The following MCPH1 variants were observed in gnomAD, a reference collection of about 807,000 sequenced individuals.
The protein encoded by MCPH1 is microcephalin.
A neutral mutation model predicts 84.5 loss-of-function variants in MCPH1; 104 were observed. The ratio of observed to expected loss-of-function variants is 1.23; its 90% confidence interval spans 1.05 to 1.45. The LOEUF (loss-of-function observed/expected upper bound fraction) is 1.45. Among genes scored for constraint, MCPH1 ranks in the 40% most tolerant of loss-of-function variants. The probability of loss-of-function intolerance (pLI) is 0.00; values close to 1 mark genes in which losing one functional copy is unlikely to be tolerated. For missense variants in MCPH1, 1,498 were observed against 1,005.7 expected (o/e 1.49, Z -6.62); for synonymous variants, 514 against 366.8 (o/e 1.40, Z -4.58).
chr8:6,560,462 T>G (rs1262926567), intron 12 of MCPH1, among the ~76,000 whole-genome samples: 1 of 152,168 alleles, frequency 6.6e-6, no homozygotes, highest in African/African-American at 2.4e-5. Context: ...TTTAATCACT[T>G]TAAGTGGGTT....
intron 12 of MCPH1, among the ~76,000 whole-genome samples, chr8:6,556,822 C>T (rs1824698888): frequency 6.6e-6 from 1 of 152,062 alleles, no homozygotes; most frequent in Non-Finnish European, 1.5e-5. Context: ...CTCCTGGCCT[C>T]AAAGTGTCTT....
chr8:6,467,946 G>A (rs192282165), intron 9 of MCPH1, among the ~76,000 whole-genome samples: 5 of 152,270 alleles, frequency 3.3e-5, no homozygotes, highest in African/African-American at 1.2e-4. Flanking sequence ...GTACGTGTCT[G>A]TTTCTCAAAA....
intron 12 of MCPH1, among the ~76,000 whole-genome samples, chr8:6,515,129 T>A (rs7838691): frequency 0.076 from 11,582 of 152,142 alleles, 497 homozygotes; most frequent in African/African-American, 0.11. Flanking sequence ...TTTTGGCAGA[T>A]TGGCCCCGAA....
At chr8:6,414,690 A>T in intron 2 of MCPH1, 75 bp from the exon 3 acceptor site, 1 of 1,521,240 alleles carries the variant, frequency 6.6e-7, no homozygotes, top group Admixed American at 1.8e-5. Flanking sequence ...GCTGGGGTAG[A>T]GGTTTTTTGA....
intron 5 of MCPH1, 70 bp from the exon 6 acceptor site, chr8:6,438,883 A>T: frequency 6.9e-7 from 1 of 1,457,308 alleles, no homozygotes; most frequent in Non-Finnish European, 9.5e-7. Context: ...GTTGTTCTTT[A>T]AAAGGAATCA....
At chr8:6,457,884 T>C (rs1385886164) in intron 9 of MCPH1, among the ~76,000 whole-genome samples, 4 of 152,148 alleles carry the variant, frequency 2.6e-5, no homozygotes, top group African/African-American at 7.2e-5. Context: ...CCTAGGGTAG[T>C]GCTTCCTGAC....
intron 9 of MCPH1, among the ~76,000 whole-genome samples, chr8:6,472,573 T>G (rs896125772): frequency 2.6e-5 from 4 of 152,108 alleles, no homozygotes; most frequent in Non-Finnish European, 5.9e-5. Flanking sequence ...TTCAAGCCAT[T>G]CTCCTGCCCC....
In MCPH1 at chr8:6,407,789, C is replaced by G. The variant is rs1017809137; in HGVS notation, c.22+1100C>G. Among the ~76,000 whole-genome samples, 6 of 152,298 alleles carry G rather than the reference C, an allele frequency of 3.9e-5. No homozygotes were observed. The East Asian group carries it at 9.6e-4, about 24-fold the overall frequency. On this transcript the variant is annotated intron_variant, in intron 1 of 13. Transcript: ENST00000344683. The stretch of plus-strand genomic sequence containing the variant: ...AGAGGATATCCACTAGAACAGGGGT[C>G]CACTCACTATGCCCCCCAGGCCATA...
intron 12 of MCPH1, among the ~76,000 whole-genome samples, chr8:6,602,655 G>A (rs2129578364): frequency 6.6e-6 from 1 of 152,130 alleles, no homozygotes; most frequent in South Asian, 2.1e-4. Flanking sequence ...GTTGTTGGCT[G>A]GTTGGGTTTG....
intron 13 of MCPH1, among the ~76,000 whole-genome samples, chr8:6,640,405 G>C (rs951181629): frequency 6.6e-6 from 1 of 152,100 alleles, no homozygotes; most frequent in South Asian, 2.1e-4. Flanking sequence ...TGGGTGATCC[G>C]ATTAGTTAAA....
At chr8:6,424,852 G>C (rs970045712) in intron 3 of MCPH1, among the ~76,000 whole-genome samples, 1 of 152,182 alleles carries the variant, frequency 6.6e-6, no homozygotes, top group Non-Finnish European at 1.5e-5. Flanking sequence ...TGTGTGTCAG[G>C]GACACACGTG....
chr8:6,474,905 A>C (rs544990392), intron 9 of MCPH1, among the ~76,000 whole-genome samples: 1 of 152,330 alleles, frequency 6.6e-6, no homozygotes, highest in Admixed American at 6.5e-5. Flanking sequence ...TAAACCCCAA[A>C]TATTCAACTA....
intron 3 of MCPH1, among the ~76,000 whole-genome samples, chr8:6,430,673 C>T (rs977108559): frequency 2.0e-5 from 3 of 151,986 alleles, no homozygotes; most frequent in African/African-American, 4.8e-5. Context: ...CGGTGATAGG[C>T]CTGTGAGGGA....
intron 12 of MCPH1, among the ~76,000 whole-genome samples, chr8:6,515,087 T>C (rs796430493): frequency 3.0e-4 from 45 of 152,262 alleles, no homozygotes; most frequent in African/African-American, 9.6e-4. Flanking sequence ...CAGAGATTGC[T>C]GTTTTTTTAG....
intron 8 of MCPH1, among the ~76,000 whole-genome samples, chr8:6,451,558 G>C (rs540450507): frequency 1.4e-5 from 1 of 72,734 alleles, no homozygotes; most frequent in South Asian, 5.0e-4. Context: ...ATCTATTGAA[G>C]AGTGTTGTTT....
chr8:6,524,861 T>G (rs145935401), intron 12 of MCPH1, among the ~76,000 whole-genome samples: 1 of 152,344 alleles, frequency 6.6e-6, no homozygotes, highest in African/African-American at 2.4e-5. Context: ...AAGTCACCTT[T>G]GGTGTCACGA....
At chr8:6,454,317 T>C (rs1805437273) in intron 8 of MCPH1, among the ~76,000 whole-genome samples, 1 of 152,224 alleles carries the variant, frequency 6.6e-6, no homozygotes, top group Non-Finnish European at 1.5e-5. Context: ...GCAGTTTGGC[T>C]ATCACCTGCC....
intron 3 of MCPH1, among the ~76,000 whole-genome samples, chr8:6,427,244 C>T (rs924429861): frequency 6.6e-5 from 10 of 152,172 alleles, no homozygotes; most frequent in African/African-American, 2.4e-4. Flanking sequence ...GTGGTTGAGT[C>T]GTTGAGTGAG....
At chr8:6,587,520 G>T (rs1159180805) in intron 12 of MCPH1, among the ~76,000 whole-genome samples, 1 of 152,202 alleles carries the variant, frequency 6.6e-6, no homozygotes, top group African/African-American at 2.4e-5. Context: ...TCTGGTGATT[G>T]CTGGACATTG....
Sources: gnomAD v4.1 joint callset for allele counts (sites outside exome capture counted in the v4.1 genomes callset) on GRCh38, gnomAD v4.1.1 for gene constraint, MANE v1.5 for transcripts, NCBI Gene and HGNC (gene_info 2026-07-23, HGNC 2026-07-21) for gene names.